Variants in TRMT9B observed in about 807,000 individuals in gnomAD.
TRMT9B encodes the protein probable tRNA methyltransferase 9B.
Under a neutral mutation model 11.5 loss-of-function variants are expected in TRMT9B, and 16 were observed. That is an observed-to-expected ratio of 1.39 (90% confidence interval 0.94 to 2.11). TRMT9B has a LOEUF of 2.11. Ranked by LOEUF, TRMT9B falls within the 30% of genes most tolerant of loss-of-function variation. TRMT9B has a pLI of 0.00. For synonymous variants in TRMT9B, 274 were observed against 192.4 expected, an observed-to-expected ratio of 1.42 and a Z score of -3.51; for missense variants, 941 against 553.8, an observed-to-expected ratio of 1.70 and a Z score of -7.02.
chr8:13,011,082 T>C (rs1038442052), intron 3 of TRMT9B: 2 of 400,972 alleles, frequency 5.0e-6, no homozygotes, highest in African/African-American at 4.4e-5. Context: ...CCTCCTGAAT[T>C]TAAGTGATTT....
In TRMT9B at chr8:13,027,181, GATAC is replaced by G; in HGVS notation, c.*5141_*5144del. On this transcript the variant is annotated 3_prime_UTR_variant, in exon 5 of 5. Transcript: ENST00000524591. The stretch of plus-strand genomic sequence containing the variant: ...TGGATACACAGTCTGCTGTGTGCTG[GATAC>G]ATATGATACAAGGTAATGACTATCT... 6.0e-6 allele frequency: 1 copy of G among 167,098 alleles called. No homozygotes were observed. Among genetic ancestry groups the G allele is most frequent in the East Asian group, 1.9e-4 (1 of 5,180 alleles). The allele number at this position is 167,098 out of a possible 1,614,324, so 10.4% of individuals were successfully genotyped here.
At chr8:13,005,867 A>G (rs1014746793) in intron 2 of TRMT9B, among the ~76,000 whole-genome samples, 4 of 152,242 alleles carry the variant, frequency 2.6e-5, no homozygotes, top group Non-Finnish European at 5.9e-5. Context: ...ATCAGATACA[A>G]TGGTCTTATC....
At position 13,022,074 on chromosome 8, in the gene TRMT9B, G is replaced by C. The variant is rs1669512152; in HGVS notation, c.*30G>C. 6.9e-7 allele frequency: 1 copy of C among 1,451,598 alleles called. No individual in the cohort carries two copies. Among genetic ancestry groups the C allele is most frequent in the Non-Finnish European group, 9.3e-7 (1 of 1,075,932 alleles). The allele number at this position is 1,451,598 out of a possible 1,614,324, so 89.9% of individuals were successfully genotyped here. Reference sequence around the variant, plus strand: ...ATCCTTTTAGACAACTCCTCCAAAAGATGAACCACATTCTTTCCTCTTGGT... The same window carrying C: ...ATCCTTTTAGACAACTCCTCCAAAACATGAACCACATTCTTTCCTCTTGGT... On this transcript the variant is annotated 3_prime_UTR_variant, in exon 5 of 5. Coordinates refer to ENST00000524591, the MANE Select transcript of TRMT9B (RefSeq NM_020844.3).
intron 3 of TRMT9B, 50 bp downstream of exon 3, chr8:13,006,406 C>T: frequency 2.0e-6 from 3 of 1,479,432 alleles, no homozygotes; most frequent in Non-Finnish European, 2.7e-6. Context: ...AGCCTCATCG[C>T]TGACATAGGT....
chr8:13,014,150 T>C (rs1203512333), intron 4 of TRMT9B, among the ~76,000 whole-genome samples: 1 of 152,144 alleles, frequency 6.6e-6, no homozygotes, highest in African/African-American at 2.4e-5. Context: ...CTGGAAGCCA[T>C]AACCTTGGAA....
intron 1 of TRMT9B, chr8:12,952,636 C>G: frequency 1.0e-6 from 1 of 974,428 alleles, no homozygotes; most frequent in Non-Finnish European, 1.2e-6. Context: ...ACTAAGATAA[C>G]TTGAAGCCAG....
intron 3 of TRMT9B, among the ~76,000 whole-genome samples, chr8:13,008,963 T>C (rs2460371): frequency 0.51 from 77,188 of 151,822 alleles, 20,575 homozygotes; most frequent in African/African-American, 0.67. Flanking sequence ...CTCCTGACTT[T>C]GTGATCCACC....
At chr8:12,989,897 G>C (rs1388153707) in intron 1 of TRMT9B, among the ~76,000 whole-genome samples, 2 of 152,220 alleles carry the variant, frequency 1.3e-5, no homozygotes, top group Non-Finnish European at 2.9e-5. Flanking sequence ...CTACATATGA[G>C]TGAGATGTAG....
chr8:12,952,759 T>C, intron 1 of TRMT9B: 1 of 858,618 alleles, frequency 1.2e-6, no homozygotes, highest in Non-Finnish European at 1.4e-6. Flanking sequence ...TGTTGTTGTT[T>C]GACGGAGTCT....
At chr8:12,946,714 A>G (rs913595106) in intron 1 of TRMT9B, among the ~76,000 whole-genome samples, 14 of 152,228 alleles carry the variant, frequency 9.2e-5, no homozygotes, top group African/African-American at 3.1e-4. Context: ...TTATATAGAG[A>G]GAAAAGCAGA....
chr8:12,975,832 C>T (rs1387525387), intron 1 of TRMT9B, among the ~76,000 whole-genome samples: 1 of 152,170 alleles, frequency 6.6e-6, no homozygotes, highest in African/African-American at 2.4e-5. Flanking sequence ...TCCACCACCA[C>T]CATATTTGCC....
chr8:12,970,793 T>C (rs965316801), intron 1 of TRMT9B, among the ~76,000 whole-genome samples: 1 of 152,210 alleles, frequency 6.6e-6, no homozygotes, highest in African/African-American at 2.4e-5. Flanking sequence ...ACTTCATGTC[T>C]TTCTAGCCTC....
chr8:12,947,957 T>C (rs958856340), intron 1 of TRMT9B, among the ~76,000 whole-genome samples: 5 of 152,164 alleles, frequency 3.3e-5, no homozygotes, highest in African/African-American at 9.7e-5. Context: ...CGGCCATCTG[T>C]AGCCTTAAGA....
At chr8:12,955,549 T>G (rs111648230) in intron 1 of TRMT9B, among the ~76,000 whole-genome samples, 6 of 152,202 alleles carry the variant, frequency 3.9e-5, no homozygotes, top group Admixed American at 1.3e-4. Flanking sequence ...TCCTGCAAGG[T>G]GCAGCCTATG....
At position 13,021,802 on chromosome 8, in the gene TRMT9B, AT is replaced by A; in HGVS notation, c.1124del (p.Ile375AsnfsTer2). 6.2e-7 allele frequency: 1 copy of A among 1,613,838 alleles called. No homozygotes were observed. Among genetic ancestry groups the A allele is most frequent in the Non-Finnish European group, 8.5e-7 (1 of 1,179,792 alleles). ...AGATGATAATCCTTCTGCTAGTAAAATATTGAGAAGGATTTCTGCAGTTGAT... is the reference window on the plus strand; with the variant it reads ...AGATGATAATCCTTCTGCTAGTAAAAATTGAGAAGGATTTCTGCAGTTGAT... ...IEDDNPSASK[I>X]LRRISAVDST... On this transcript the variant is annotated frameshift_variant, in exon 5 of 5. Transcript: ENST00000524591. LOFTEE classifies it low-confidence loss of function (END_TRUNC).
chr8:12,973,297 C>G (rs919230372), intron 1 of TRMT9B, among the ~76,000 whole-genome samples: 9 of 152,266 alleles, frequency 5.9e-5, no homozygotes, highest in Admixed American at 4.6e-4. Flanking sequence ...CCTTCCCTTG[C>G]CAGCACATGC....
chr8:13,028,063 A>C lies in TRMT9B; in HGVS notation c.*6019A>C, dbSNP rs1814908048. On this transcript the variant is annotated 3_prime_UTR_variant, in exon 5 of 5. Transcript: ENST00000524591. Reference sequence around the variant, plus strand: ...TCAGAAACTGAAGAGAGTTGATCAAAGAGAAGATTCTAGCTGAATTGTTCT... The same window carrying C: ...TCAGAAACTGAAGAGAGTTGATCAACGAGAAGATTCTAGCTGAATTGTTCT... 6.0e-6 allele frequency: 1 copy of C among 167,086 alleles called. No individual in the cohort carries two copies. Among genetic ancestry groups the C allele is most frequent in the Non-Finnish European group, 1.5e-5 (1 of 68,116 alleles). The allele number at this position is 167,086 out of a possible 1,614,324, so 10.4% of individuals were successfully genotyped here.
chr8:12,990,397 A>T (rs941700757), intron 1 of TRMT9B, among the ~76,000 whole-genome samples: 6 of 152,210 alleles, frequency 3.9e-5, no homozygotes, highest in African/African-American at 1.2e-4. Flanking sequence ...AATGTGAACA[A>T]TGATGAATAA....
intron 2 of TRMT9B, among the ~76,000 whole-genome samples, chr8:12,991,911 A>G (rs1807406425): frequency 6.6e-6 from 1 of 152,210 alleles, no homozygotes; most frequent in African/African-American, 2.4e-5. Context: ...AGGCTGGGCA[A>G]CAAGAGCAAG....
Sources: gnomAD v4.1 joint callset for allele counts (sites outside exome capture counted in the v4.1 genomes callset) on GRCh38, gnomAD v4.1.1 for gene constraint, MANE v1.5 for transcripts, NCBI Gene and HGNC (gene_info 2026-07-23, HGNC 2026-07-21) for gene names.